RAB11FIP4: variants seen among roughly 807,000 people sequenced by gnomAD.
RAB11FIP4 encodes the protein rab11 family-interacting protein 4.
Under a neutral mutation model 74.3 loss-of-function variants are expected in RAB11FIP4, and 23 were observed. The observed-to-expected ratio is 0.31, with a 90% CI of 0.22 to 0.44. The LOEUF (loss-of-function observed/expected upper bound fraction) is 0.44, where lower values mean the gene tolerates loss of function less well. RAB11FIP4 is among the 20% of genes least tolerant of loss of function. RAB11FIP4 has a pLI of 1.00. For synonymous variants in RAB11FIP4, 360 were observed against 359.9 expected, an observed-to-expected ratio of 1.00 and a Z score of 0.00; for missense variants, 630 against 863.9, an observed-to-expected ratio of 0.73 and a Z score of 3.39.
intron 3 of RAB11FIP4, among the ~76,000 whole-genome samples, chr17:31,466,803 A>G (rs9913117): frequency 0.029 from 4,345 of 152,244 alleles, 189 homozygotes; most frequent in African/African-American, 0.098. Context: ...AGCAAAGTTG[A>G]GCTTCCCTTA....
At chr17:31,409,682 G>A (rs1450663918) in intron 1 of RAB11FIP4, among the ~76,000 whole-genome samples, 1 of 152,194 alleles carries the variant, frequency 6.6e-6, no homozygotes, top group Non-Finnish European at 1.5e-5. Context: ...CTGGCATGAG[G>A]ACAGATGCTG....
chr17:31,462,083 GA>G (rs745810119), intron 3 of RAB11FIP4, among the ~76,000 whole-genome samples: 34 of 152,156 alleles, frequency 2.2e-4, no homozygotes, highest in Non-Finnish European at 4.3e-4. Context: ...CCAATATGAT[GA>G]AACCCCCATC....
rs988474068 is a variant in RAB11FIP4, at chr17:31,536,894, C to T, written c.*5162C>T. 5.0e-6 allele frequency: 2 copies of T among 398,400 alleles called. No individual in the cohort carries two copies. Among genetic ancestry groups the T allele is most frequent in the Non-Finnish European group, 8.8e-6 (2 of 226,068 alleles). 24.7% of individuals were successfully genotyped at this position (398,400 alleles called of 1,614,324 possible). On this transcript the variant is annotated 3_prime_UTR_variant, in exon 15 of 15. Coordinates refer to ENST00000621161, the MANE Select transcript of RAB11FIP4 (RefSeq NM_032932.6). The stretch of plus-strand genomic sequence containing the variant: ...TGGGGAAGTATAATGTCACCATGCT[C>T]ACCAGGCGAGGTTTCCCATATGACC...
At chr17:31,517,950 A>G in intron 4 of RAB11FIP4, 73 bp downstream of exon 4, 4 of 1,255,630 alleles carry the variant, frequency 3.2e-6, no homozygotes, top group Admixed American at 2.2e-5. Context: ...AAGTGTCTCC[A>G]GGAAGTAAAT....
At chr17:31,409,093 C>T (rs536609067) in intron 1 of RAB11FIP4, among the ~76,000 whole-genome samples, 2 of 152,184 alleles carry the variant, frequency 1.3e-5, no homozygotes, top group South Asian at 2.1e-4. Flanking sequence ...TTCCCTGGCC[C>T]GTGTGTGGTC....
chr17:31,432,027 G>A, intron 2 of RAB11FIP4, 127 bp downstream of exon 2: 1 of 701,142 alleles, frequency 1.4e-6, no homozygotes, highest in Non-Finnish European at 2.4e-6. Context: ...TGGGCCAGAA[G>A]TCGGTTCTGC....
chr17:31,521,456 C>T (rs1597979744), intron 5 of RAB11FIP4, 96 bp downstream of exon 5: 2 of 1,117,386 alleles, frequency 1.8e-6, no homozygotes, highest in South Asian at 1.7e-5. Flanking sequence ...CCTGAGCTGG[C>T]CCTTTTCCTT....
chr17:31,464,503 C>G (rs968642256), intron 3 of RAB11FIP4, among the ~76,000 whole-genome samples: 3 of 152,100 alleles, frequency 2.0e-5, no homozygotes, highest in African/African-American at 7.2e-5. Flanking sequence ...CCAGGCGGGA[C>G]TGCAGTGTCA....
chr17:31,446,038 T>C (rs2071460883), intron 3 of RAB11FIP4, among the ~76,000 whole-genome samples: 1 of 152,086 alleles, frequency 6.6e-6, no homozygotes, highest in African/African-American at 2.4e-5. Flanking sequence ...TTTTTTTCTT[T>C]TTTTTTACTC....
intron 3 of RAB11FIP4, among the ~76,000 whole-genome samples, chr17:31,447,010 T>C (rs931737786): frequency 2.0e-5 from 3 of 151,366 alleles, no homozygotes; most frequent in South Asian, 2.1e-4. Flanking sequence ...GACAGGCGGG[T>C]GCCGTGGCTC....
chr17:31,472,249 C>G (rs549849557), intron 3 of RAB11FIP4, among the ~76,000 whole-genome samples: 1 of 152,296 alleles, frequency 6.6e-6, no homozygotes, highest in Admixed American at 6.5e-5. Flanking sequence ...GAGCACCGCC[C>G]TGGGCTCATA....
intron 3 of RAB11FIP4, among the ~76,000 whole-genome samples, chr17:31,503,619 G>A (rs889450094): frequency 6.7e-6 from 1 of 149,184 alleles, no homozygotes; most frequent in East Asian, 1.9e-4. Context: ...TTCTAGGACT[G>A]TTATGACTGT....
intron 3 of RAB11FIP4, among the ~76,000 whole-genome samples, chr17:31,514,625 G>T (rs2072513412): frequency 6.6e-6 from 1 of 152,248 alleles, no homozygotes; most frequent in South Asian, 2.1e-4. Context: ...CACAGGGCGG[G>T]CATTCCCAGC....
intron 3 of RAB11FIP4, among the ~76,000 whole-genome samples, chr17:31,477,347 TG>T (rs1383367864): frequency 6.6e-6 from 1 of 152,132 alleles, no homozygotes; most frequent in Non-Finnish European, 1.5e-5. Flanking sequence ...ACTTACCTGG[TG>T]GGGGGCTCAG....
At chr17:31,478,094 G>A (rs1433705500) in intron 3 of RAB11FIP4, among the ~76,000 whole-genome samples, 1 of 149,790 alleles carries the variant, frequency 6.7e-6, no homozygotes, top group Non-Finnish European at 1.5e-5. Flanking sequence ...CTGGGTTCAA[G>A]CGATTCCCCT....
intron 3 of RAB11FIP4, among the ~76,000 whole-genome samples, chr17:31,505,078 CCT>C (rs1347523623): frequency 6.6e-6 from 1 of 152,018 alleles, no homozygotes; most frequent in East Asian, 1.9e-4. Flanking sequence ...ATGCTGTGTA[CCT>C]CTTAGGCATC....
intron 3 of RAB11FIP4, among the ~76,000 whole-genome samples, chr17:31,497,139 G>A (rs943944396): frequency 1.4e-4 from 22 of 152,102 alleles, no homozygotes; most frequent in African/African-American, 1.9e-4. Context: ...CAACGCGGGC[G>A]GATCACCTGA....
At chr17:31,412,258 T>A (rs2071105030) in intron 1 of RAB11FIP4, among the ~76,000 whole-genome samples, 1 of 152,126 alleles carries the variant, frequency 6.6e-6, no homozygotes, top group South Asian at 2.1e-4. Flanking sequence ...TAATGTCCTG[T>A]GCAAGGGAGA....
intron 1 of RAB11FIP4, among the ~76,000 whole-genome samples, chr17:31,426,450 C>T (rs2151625692): frequency 1.3e-5 from 2 of 152,222 alleles, no homozygotes; most frequent in Middle Eastern, 3.4e-3. Flanking sequence ...CCGTGGACTC[C>T]AAGCATTTGC....
Sources: allele counts gnomAD v4.1 joint callset (sites outside exome capture counted in the v4.1 genomes callset), GRCh38; gene constraint gnomAD v4.1.1; transcripts MANE v1.5; gene names NCBI Gene and HGNC (gene_info 2026-07-23, HGNC 2026-07-21).